Variants in TMEM245 observed in about 807,000 individuals in gnomAD.
TMEM245 encodes the protein transmembrane protein 245.
In TMEM245, 69 loss-of-function variants were observed where a neutral mutation model predicts 101.2. That is an observed-to-expected ratio of 0.68 (90% CI 0.56 to 0.83). The LOEUF (loss-of-function observed/expected upper bound fraction) is 0.83. TMEM245 is among the 40% of genes least tolerant of loss of function. TMEM245 has a pLI of 0.00. For synonymous variants in TMEM245, 537 were observed against 449.8 expected, an observed-to-expected ratio of 1.19 and a Z score of -2.45; for missense variants, 1,075 against 1,092.8, an observed-to-expected ratio of 0.98 and a Z score of 0.23.
At chr9:109,051,408 A>G (rs1023290177) in intron 12 of TMEM245, among the ~76,000 whole-genome samples, 2 of 152,086 alleles carry the variant, frequency 1.3e-5, no homozygotes, top group African/African-American at 4.8e-5. Context: ...AATTATGGAG[A>G]TATATTCTGA....
chr9:109,093,978 C>T (rs1830073989), intron 3 of TMEM245, among the ~76,000 whole-genome samples: 1 of 152,192 alleles, frequency 6.6e-6, no homozygotes, highest in South Asian at 2.1e-4. Flanking sequence ...ATGACTAGGT[C>T]TCATGTTAGT....
intron 3 of TMEM245, among the ~76,000 whole-genome samples, chr9:109,098,585 C>A (rs1219554868): frequency 6.6e-6 from 1 of 151,542 alleles, no homozygotes; most frequent in Non-Finnish European, 1.5e-5. Context: ...ACAGTCCAGG[C>A]AGGGAGATGA....
chr9:109,096,267 A>G (rs1830136366), intron 3 of TMEM245, among the ~76,000 whole-genome samples: 1 of 152,334 alleles, frequency 6.6e-6, no homozygotes, highest in South Asian at 2.1e-4. Flanking sequence ...ACCTGAGGCC[A>G]GGAGTTCGAG....
intron 17 of TMEM245, among the ~76,000 whole-genome samples, chr9:109,025,122 CT>C (rs1827755902): frequency 6.6e-6 from 1 of 152,208 alleles, no homozygotes; most frequent in African/African-American, 2.4e-5. Context: ...CCAGTTTACT[CT>C]CTTTTCTCAA....
chr9:109,053,637 G>T (rs13296451), intron 12 of TMEM245, among the ~76,000 whole-genome samples: 1 of 152,064 alleles, frequency 6.6e-6, no homozygotes, highest in Non-Finnish European at 1.5e-5. Context: ...TGACCAACAA[G>T]GCCTCACCAT....
intron 5 of TMEM245, among the ~76,000 whole-genome samples, chr9:109,087,694 T>A (rs1829882555): frequency 6.6e-6 from 1 of 152,198 alleles, no homozygotes; most frequent in African/African-American, 2.4e-5. Context: ...CCTGGGTAAA[T>A]AATACAAACC....
At position 109,119,893 on chromosome 9, in the gene TMEM245, A is replaced by C. The variant is rs1171914101; in HGVS notation, c.21T>G (p.Pro7=). The C allele has an allele frequency of 3.1e-6, 4 of 1,273,396 alleles. No individual in the cohort carries two copies. Among genetic ancestry groups the C allele is most frequent in the Non-Finnish European group, 3.0e-6 (3 of 1,015,406 alleles). The allele number at this position is 1,273,396 out of a possible 1,614,324, so 78.9% of individuals were successfully genotyped here. A position where few individuals can be genotyped will look rare whatever the true frequency, so the allele number is the denominator to read the frequency against. Residue 7 remains proline, a synonymous_variant, in exon 1 of 18, where the codon CCT becomes CCG. Transcript: ENST00000374586. ...AGCTCCGCAGGCTTGGCGCGTCCTTAGGGCCGCCGCCGTCGGCCATCGTTC... is the reference window on the plus strand; with the variant it reads ...AGCTCCGCAGGCTTGGCGCGTCCTTCGGGCCGCCGCCGTCGGCCATCGTTC... The part of the protein sequence containing the change: MADGGG[P]KDAPSLRSSP...
intron 17 of TMEM245, among the ~76,000 whole-genome samples, chr9:109,026,544 G>C (rs935318593): frequency 1.3e-5 from 2 of 151,572 alleles, no homozygotes; most frequent in Non-Finnish European, 2.9e-5. Context: ...TGGAAAGCCA[G>C]TGCGGCTGCA....
intron 12 of TMEM245, among the ~76,000 whole-genome samples, chr9:109,051,547 G>A (rs1427394748): frequency 6.6e-6 from 1 of 152,060 alleles, no homozygotes; most frequent in East Asian, 1.9e-4. Flanking sequence ...ATAAACCTTT[G>A]TAGCGTGTTA....
intron 8 of TMEM245, among the ~76,000 whole-genome samples, chr9:109,075,562 TATTTCTTCTTG>T (rs1371856248): frequency 6.6e-6 from 1 of 152,250 alleles, no homozygotes; most frequent in African/African-American, 2.4e-5. Flanking sequence ...ACAATTTTTC[TATTTCTTCTTG>T]AGTCTGTTCC....
chr9:109,088,938 C>G (rs967901077), intron 5 of TMEM245, among the ~76,000 whole-genome samples: 1 of 151,034 alleles, frequency 6.6e-6, no homozygotes, highest in Admixed American at 6.6e-5. Flanking sequence ...AAAGCTGTAT[C>G]TTGTTCCAAC....
chr9:109,077,133 C>A (rs1829534751), intron 8 of TMEM245, among the ~76,000 whole-genome samples: 1 of 151,074 alleles, frequency 6.6e-6, no homozygotes, highest in South Asian at 2.1e-4. Flanking sequence ...GTTGACTGAC[C>A]GCGTTTTTTG....
intron 7 of TMEM245, among the ~76,000 whole-genome samples, chr9:109,083,901 CAAAAA>C (rs751739620): frequency 0.097 from 3,318 of 34,220 alleles, 18 homozygotes; most frequent in South Asian, 0.22. Context: ...ACTAAAAATA[CAAAAA>C]AAAAAAAAAA....
At chr9:109,097,017 A>G (rs1276593790) in intron 3 of TMEM245, among the ~76,000 whole-genome samples, 1 of 152,244 alleles carries the variant, frequency 6.6e-6, no homozygotes, top group African/African-American at 2.4e-5. Flanking sequence ...CTGATACTTA[A>G]GAGCTAATGT....
intron 17 of TMEM245, 35 bp downstream of exon 17, chr9:109,033,271 AT>A (rs1285219678): frequency 1.3e-6 from 2 of 1,555,474 alleles, no homozygotes; most frequent in Non-Finnish European, 1.7e-6. Context: ...AGTTCAATGT[AT>A]AAATACAGCT....
chr9:109,116,081 G>T (rs1365688549), intron 1 of TMEM245, among the ~76,000 whole-genome samples: 1 of 152,158 alleles, frequency 6.6e-6, no homozygotes, highest in Non-Finnish European at 1.5e-5. Flanking sequence ...TAGTGCCTGG[G>T]ACATGGCAGA....
intron 8 of TMEM245, among the ~76,000 whole-genome samples, chr9:109,079,375 T>C (rs554618281): frequency 1.3e-3 from 199 of 151,978 alleles, no homozygotes; most frequent in African/African-American, 4.7e-3. Flanking sequence ...ACTTTCCATT[T>C]GAGCAAGCAG....
intron 14 of TMEM245, among the ~76,000 whole-genome samples, chr9:109,047,418 C>T (rs374854631): frequency 4.6e-5 from 7 of 152,148 alleles, no homozygotes; most frequent in African/African-American, 1.7e-4. Flanking sequence ...CTAAATGCCA[C>T]CCTCTTATGT....
Position 109,020,493 on chromosome 9 carries a change from G to A in TMEM245, c.2607C>T (p.Asp869=). The A allele has an allele frequency of 1.2e-6, 2 of 1,613,966 alleles. No individual in the cohort carries two copies. The highest frequency in any genetic ancestry group is 1.7e-6 in the Non-Finnish European group (2 of 1,179,888). ...WPAQPQRTFR[D]ISEDLKSSVG is the part of the protein sequence containing the mutation. ...CTGAAGATTTCAGATCTTCAGAAAT[G>A]TCACGGAAAGTCCTAAAAGAAAAAA... The change falls in exon 18 of 18, where the codon GAC becomes GAT. Residue 869 remains aspartate, a synonymous_variant. Coordinates refer to ENST00000374586, the MANE Select transcript of TMEM245 (RefSeq NM_032012.4).
Sources: gnomAD v4.1 joint callset for allele counts (sites outside exome capture counted in the v4.1 genomes callset) on GRCh38, gnomAD v4.1.1 for gene constraint, MANE v1.5 for transcripts, NCBI Gene and HGNC (gene_info 2026-07-23, HGNC 2026-07-21) for gene names.